The following MACROD1 variants were observed in gnomAD, a reference collection of about 807,000 sequenced individuals.
MACROD1 encodes mono-ADP ribosylhydrolase 1, also known as ADP-ribose glycohydrolase MACROD1.
A neutral mutation model predicts 41.4 loss-of-function variants in MACROD1; 31 were observed. That is an observed-to-expected ratio of 0.75 (90% CI 0.56 to 1.01). The LOEUF is 1.01. Ranked by LOEUF, MACROD1 falls within the 50% of genes least tolerant of loss-of-function variation. MACROD1 has a pLI of 0.00. For missense variants in MACROD1, 473 were observed against 460.0 expected (o/e 1.03, Z -0.26); for synonymous variants, 252 against 203.4 (o/e 1.24, Z -2.03).
At chr11:64,074,499 C>A (rs1019610932) in intron 3 of MACROD1, among the ~76,000 whole-genome samples, 2 of 152,192 alleles carry the variant, frequency 1.3e-5, no homozygotes, top group Admixed American at 6.5e-5. Flanking sequence ...GAACAGAGCT[C>A]AGAGAGGTTC....
At chr11:64,136,668 G>T (rs545953533) in intron 3 of MACROD1, among the ~76,000 whole-genome samples, 18 of 152,184 alleles carry the variant, frequency 1.2e-4, no homozygotes, top group African/African-American at 4.1e-4. Context: ...GGGACCCCCC[G>T]CCACCGACCT....
At chr11:64,044,026 G>A (rs969614223) in intron 3 of MACROD1, among the ~76,000 whole-genome samples, 2 of 151,936 alleles carry the variant, frequency 1.3e-5, no homozygotes, top group Non-Finnish European at 2.9e-5. Context: ...TGTTAGGCAG[G>A]ATGGTCTCGA....
At chr11:64,046,909 A>C (rs1320606451) in intron 3 of MACROD1, among the ~76,000 whole-genome samples, 1 of 152,160 alleles carries the variant, frequency 6.6e-6, no homozygotes, top group Non-Finnish European at 1.5e-5. Flanking sequence ...AAAACACTTG[A>C]ATTCAGTCAA....
intron 3 of MACROD1, among the ~76,000 whole-genome samples, chr11:64,083,699 G>A (rs1266395085): frequency 6.6e-6 from 1 of 152,250 alleles, no homozygotes; most frequent in Non-Finnish European, 1.5e-5. Flanking sequence ...AAATAGGAAT[G>A]GGACTCGCCA....
intron 3 of MACROD1, among the ~76,000 whole-genome samples, chr11:64,129,041 C>A (rs561316688): frequency 6.8e-4 from 103 of 152,364 alleles, no homozygotes; most frequent in Admixed American, 6.3e-3. Context: ...TCACCCTCCC[C>A]ACGTGTGGCA....
intron 3 of MACROD1, among the ~76,000 whole-genome samples, chr11:64,059,900 G>A (rs1357384185): frequency 1.3e-5 from 2 of 152,178 alleles, no homozygotes; most frequent in African/African-American, 2.4e-5. Context: ...GAGGAGGCGA[G>A]GCGAGGCTGG....
At chr11:64,063,826 C>CT (rs1943948215) in intron 3 of MACROD1, among the ~76,000 whole-genome samples, 1 of 152,230 alleles carries the variant, frequency 6.6e-6, no homozygotes, top group African/African-American at 2.4e-5. Context: ...CACCTTCACT[C>CT]TAACAATGCA....
chr11:64,113,258 A>G (rs1944893266), intron 3 of MACROD1, among the ~76,000 whole-genome samples: 1 of 152,242 alleles, frequency 6.6e-6, no homozygotes, highest in Non-Finnish European at 1.5e-5. Flanking sequence ...CAAAGCCTTT[A>G]TTATAGTGTG....
chr11:64,102,499 G>A (rs536234026), intron 3 of MACROD1, among the ~76,000 whole-genome samples: 5 of 152,360 alleles, frequency 3.3e-5, no homozygotes, highest in South Asian at 2.1e-4. Context: ...AGGCCATGGC[G>A]GCCCAGTTGG....
At chr11:64,154,865 G>A (rs565834498) in intron 1 of MACROD1, among the ~76,000 whole-genome samples, 9 of 152,240 alleles carry the variant, frequency 5.9e-5, no homozygotes, top group East Asian at 3.9e-4. Flanking sequence ...GATTACACGC[G>A]TGTGCCAGCA....
At chr11:64,138,498 T>C (rs1336937822) in intron 3 of MACROD1, 5 of 984,946 alleles carry the variant, frequency 5.1e-6, no homozygotes, top group African/African-American at 3.5e-5. Flanking sequence ...AAGGTAGCTC[T>C]TGCTTTTCAA....
chr11:64,007,228 A>C lies in MACROD1; in HGVS notation c.548-6885T>G, dbSNP rs1942927753. 2.0e-5 allele frequency among the ~76,000 whole-genome samples: 3 copies of C among 152,208 alleles called. No individual in the cohort carries two copies. The South Asian group carries it at 6.2e-4, about 32-fold the overall frequency. ...GACGTGCCACGTGCCAGCCCTATGC[A>C]AGGGCCAGGAGTCCTGTGGCCGCAG... On this transcript the variant is annotated intron_variant, in intron 4 of 10. Transcript: ENST00000255681.
chr11:64,164,602 C>T (rs1318912949), intron 1 of MACROD1, among the ~76,000 whole-genome samples: 1 of 152,282 alleles, frequency 6.6e-6, no homozygotes, highest in Non-Finnish European at 1.5e-5. Flanking sequence ...TCTGCCGTCA[C>T]TTTTAGATCC....
chr11:64,049,837 G>A (rs1487395632), intron 3 of MACROD1, among the ~76,000 whole-genome samples: 1 of 152,132 alleles, frequency 6.6e-6, no homozygotes, highest in African/African-American at 2.4e-5. Flanking sequence ...CTAGGGCTGG[G>A]GCCTGGCTGA....
chr11:64,025,881 G>A (rs567073887), intron 3 of MACROD1, among the ~76,000 whole-genome samples: 9 of 151,942 alleles, frequency 5.9e-5, no homozygotes, highest in Middle Eastern at 3.4e-3. Context: ...CACCACATCC[G>A]GCTAATTTTA....
At chr11:64,035,848 G>C (rs2134373408) in intron 3 of MACROD1, 1 of 145,728 alleles carries the variant, frequency 6.9e-6, no homozygotes, top group South Asian at 1.8e-4. Flanking sequence ...GCCGCCGCTC[G>C]CGCGGGCACC....
At chr11:64,011,916 G>GTA (rs1340628939) in intron 4 of MACROD1, among the ~76,000 whole-genome samples, 1 of 152,046 alleles carries the variant, frequency 6.6e-6, no homozygotes, top group Non-Finnish European at 1.5e-5. Context: ...AGGAGCAGGG[G>GTA]TATAGGGGAG....
chr11:63,999,475 C>T, intron 7 of MACROD1, 55 bp downstream of exon 7: 1 of 1,571,776 alleles, frequency 6.4e-7, no homozygotes, highest in Non-Finnish European at 8.6e-7. Flanking sequence ...CCCGGCCCCT[C>T]CCGGCGTCTG....
intron 3 of MACROD1, among the ~76,000 whole-genome samples, chr11:64,150,146 AAC>A (rs1391901621): frequency 6.6e-6 from 1 of 152,222 alleles, no homozygotes; most frequent in African/African-American, 2.4e-5. Flanking sequence ...TGCTTCAGGA[AAC>A]ACAACTCAGA....
Sources: gnomAD v4.1 joint callset for allele counts (sites outside exome capture counted in the v4.1 genomes callset) on GRCh38, gnomAD v4.1.1 for gene constraint, MANE v1.5 for transcripts, NCBI Gene and HGNC (gene_info 2026-07-23, HGNC 2026-07-21) for gene names.